KMT2A: variants seen among roughly 807,000 people sequenced by gnomAD.
The protein encoded by KMT2A is histone-lysine N-methyltransferase 2A.
KMT2A carries 16 observed loss-of-function variants against 345.3 expected under a neutral mutation model. That is an observed-to-expected ratio of 0.05 (90% CI 0.03 to 0.07). The LOEUF is 0.07. KMT2A is among the 10% of genes least tolerant of loss of function. The probability of loss-of-function intolerance (pLI) is 1.00; values close to 1 mark genes in which losing one functional copy is unlikely to be tolerated. For synonymous variants in KMT2A, 1,599 were observed against 1,778.6 expected, an observed-to-expected ratio of 0.90 and a Z score of 2.54; for missense variants, 3,272 against 4,841.6, an observed-to-expected ratio of 0.68 and a Z score of 9.62.
At chr11:118,500,481 G>T (rs1324779612) in intron 24 of KMT2A, among the ~76,000 whole-genome samples, 3 of 152,154 alleles carry the variant, frequency 2.0e-5, no homozygotes, top group Non-Finnish European at 4.4e-5. Flanking sequence ...CTATGACACA[G>T]TCTGTGCTCC....
At chr11:118,515,656 G>A (rs1950795287) in intron 31 of KMT2A, among the ~76,000 whole-genome samples, 1 of 147,804 alleles carries the variant, frequency 6.8e-6, no homozygotes, top group Non-Finnish European at 1.5e-5. Flanking sequence ...CCAGAATTTG[G>A]TACCATGTCC....
intron 10 of KMT2A, among the ~76,000 whole-genome samples, chr11:118,485,588 AATT>A (rs1174912873): frequency 6.6e-6 from 1 of 152,198 alleles, no homozygotes; most frequent in African/African-American, 2.4e-5. Flanking sequence ...TTTCTGAGGG[AATT>A]ATTTGGAAAT....
At position 118,476,010 on chromosome 11, in the gene KMT2A, A is replaced by T. The variant is rs1413712481; in HGVS notation, c.3157-795A>T. On this transcript the variant is annotated intron_variant, in intron 3 of 35. Transcript: ENST00000534358. This position sits in a 1 kb window ranked among gnomAD's most constrained non-coding sequence, Gnocchi z 4.1. Reference sequence around the variant, plus strand: ...AACGTCCGCCTCCCAGGTTCAAGCAATTCTCCTGCCTCAGCCTCCCAAGTA... The same window carrying T: ...AACGTCCGCCTCCCAGGTTCAAGCATTTCTCCTGCCTCAGCCTCCCAAGTA... Among the ~76,000 whole-genome samples, 1 of 151,966 alleles carries T rather than the reference A, an allele frequency of 6.6e-6. No homozygotes were observed. Among genetic ancestry groups the T allele is most frequent in the African/African-American group, 2.4e-5 (1 of 41,372 alleles).
chr11:118,498,175 A>G lies in KMT2A; in HGVS notation c.5802+102A>G. 7.5e-7 allele frequency: 1 copy of G among 1,341,722 alleles called. No homozygotes were observed. Among genetic ancestry groups the G allele is most frequent in the Admixed American group, 2.0e-5 (1 of 49,938 alleles). The allele number at this position is 1,341,722 out of a possible 1,614,324, so 83.1% of individuals were successfully genotyped here. On this transcript the variant is annotated intron_variant, in intron 21 of 35. Transcript: ENST00000534358. The surrounding 1 kb of genome is among the most constrained non-coding windows in gnomAD (Gnocchi z 4.4). ...CCTCCCTGATATTTTTCACAGTGCC[A>G]TCAGGGTAGTTAGCCAACAAGTATT...
chr11:118,500,881 T>G, intron 24 of KMT2A, 106 bp from the exon 25 acceptor site: 3 of 777,790 alleles, frequency 3.9e-6, no homozygotes, highest in Non-Finnish European at 6.1e-6. Context: ...CTAAACTCTG[T>G]AATTAAGAGG....
rs970901865 is a variant in KMT2A, at chr11:118,481,877, C to T, written c.3797C>T (p.Pro1266Leu). 1 of 1,614,174 alleles carries T rather than the reference C, an allele frequency of 6.2e-7. No homozygotes were observed. The stretch of plus-strand genomic sequence containing the variant: ...AGTAGTGAGCCTCCTCCACGAAAGC[C>T]CGTCGAGGAAAAGAGTGAAGAAGGG... ...KSSSEPPPRK[P>L]VEEKSEEGNV... The change falls in exon 7 of 36, where the codon CCC becomes CTC. Residue 1266 changes from proline (P) to leucine (L), a missense_variant. This residue lies in a region of KMT2A where 168 missense variants were observed against 216.0 expected (regional missense o/e 0.78). Coordinates refer to ENST00000534358, the MANE Select transcript of KMT2A (RefSeq NM_001197104.2).
chr11:118,507,659 C>T (rs781831865), intron 28 of KMT2A, 50 bp downstream of exon 28: 2 of 1,484,184 alleles, frequency 1.3e-6, no homozygotes, highest in South Asian at 1.1e-5. Context: ...TTTTGTCCAC[C>T]TCATTTAAAA....
Position 118,505,629 on chromosome 11 carries a change from T to C in KMT2A, c.9737T>C (p.Ile3246Thr), listed in dbSNP as rs1259638674. The C allele has an allele frequency of 6.8e-6, 11 of 1,614,038 alleles. No individual in the cohort carries two copies. The African/African-American group carries it at 1.5e-4, about 22-fold the overall frequency. ...GCTCCCTCTAGTACCCCTTCAAACA[T>C]TGCCCCTTCTGATGTGGTTTCTAAT... The part of the protein sequence containing the change: ...KLAPSSTPSN[I>T]APSDVVSNMT... The change falls in exon 27 of 36, where the codon ATT (isoleucine) becomes ACT (threonine). Residue 3246 changes from isoleucine to threonine, a missense_variant. Ile to Thr is a moderately conservative substitution (Grantham distance 89). This residue lies in a region of KMT2A where 748 missense variants were observed against 922.2 expected (regional missense o/e 0.81). Coordinates refer to ENST00000534358, the MANE Select transcript of KMT2A (RefSeq NM_001197104.2). This position sits in a 1 kb window ranked among gnomAD's most constrained non-coding sequence, Gnocchi z 4.6.
rs1950274624 is a variant in KMT2A, at chr11:118,488,763, A to G, written c.4479+3A>G. On this transcript the variant is annotated splice_donor_region_variant and intron_variant, in intron 11 of 35. Transcript: ENST00000534358. ...GAAGGCAACATCAGGCTACAAAGGT[A>G]CAAAACTTGGTAATAGAACTACAGC... 1.2e-6 allele frequency: 2 copies of G among 1,613,990 alleles called. No homozygotes were observed. The highest frequency in any genetic ancestry group is 1.7e-6 in the Non-Finnish European group (2 of 1,179,950).
rs1950673593 is a variant in KMT2A at position 118,510,873 on chromosome 11, G to C, written c.11071+755G>C. ...GAAGATTCTATTAAAGGAGAAAATG[G>C]AATTTGGGTTAGGCAAAGAAGAATG... On this transcript the variant is annotated intron_variant, in intron 30 of 35. Coordinates refer to ENST00000534358, the MANE Select transcript of KMT2A (RefSeq NM_001197104.2). This position sits in a 1 kb window ranked among gnomAD's most constrained non-coding sequence, Gnocchi z 4.1. 6.6e-6 allele frequency among the ~76,000 whole-genome samples: 1 copy of C among 152,168 alleles called. No individual in the cohort carries two copies. Among genetic ancestry groups the C allele is most frequent in the South Asian group, 2.1e-4 (1 of 4,838 alleles).
At position 118,498,761 on chromosome 11, in the gene KMT2A, C is replaced by T. The variant is rs1950451061; in HGVS notation, c.5961+233C>T. On this transcript the variant is annotated intron_variant, in intron 22 of 35. Transcript: ENST00000534358. This position sits in a 1 kb window ranked among gnomAD's most constrained non-coding sequence, Gnocchi z 4.4. ...CCCTGACTCCTGTAGTTTACATCAG[C>T]ATTCACTCTTGGTGTTGTACATTCT... is the stretch of plus-strand genomic sequence containing the variant. Among the ~76,000 whole-genome samples, 1 of 152,164 alleles carries T rather than the reference C, an allele frequency of 6.6e-6. No homozygotes were observed. Among genetic ancestry groups the T allele is most frequent in the Non-Finnish European group, 1.5e-5 (1 of 68,036 alleles).
chr11:118,454,537 T>C (rs533904194), intron 1 of KMT2A, among the ~76,000 whole-genome samples: 1 of 152,310 alleles, frequency 6.6e-6, no homozygotes, highest in Non-Finnish European at 1.5e-5. Context: ...ACTACTCCAC[T>C]CTGTTGTTGT....
intron 1 of KMT2A, among the ~76,000 whole-genome samples, chr11:118,447,068 C>A (rs1555027359): frequency 6.6e-6 from 1 of 152,172 alleles, no homozygotes; most frequent in Non-Finnish European, 1.5e-5. Flanking sequence ...TCCCATGGTT[C>A]AACTCAGATC....
rs782569880 is a variant in KMT2A, at chr11:118,499,432, C to G, written c.6079+12C>G. On this transcript the variant is annotated intron_variant, in intron 23 of 35. Transcript: ENST00000534358. ...CCACATGATGATTGGTATGACCTAG[C>G]CTTGGTTATTGGGGAAGGCTGTATA... is the stretch of plus-strand genomic sequence containing the variant. 2 of 1,481,708 alleles carry G rather than the reference C, an allele frequency of 1.3e-6. No homozygotes were observed. Among genetic ancestry groups the G allele is most frequent in the Non-Finnish European group, 9.4e-7 (1 of 1,067,066 alleles). The allele number at this position is 1,481,708 out of a possible 1,614,324, so 91.8% of individuals were successfully genotyped here.
rs782101853 is a variant in KMT2A, at chr11:118,459,812, G to A, written c.433-8963G>A. Among the ~76,000 whole-genome samples the A allele has an allele frequency of 5.7e-5, 6 of 106,104 alleles. No individual in the cohort carries two copies. In the Admixed American group the frequency reaches 7.3e-4, roughly 13 times the overall value. 69.6% of individuals were successfully genotyped at this position (106,104 alleles called of 152,430 possible). A position where few individuals can be genotyped will look rare whatever the true frequency, so the allele number is the denominator to read the frequency against. On this transcript the variant is annotated intron_variant, in intron 1 of 35. Transcript: ENST00000534358. The stretch of plus-strand genomic sequence containing the variant: ...AGCAATTCTCCTTCCTCAGCCTCCC[G>A]AGTAGCTAGGATTACAGGCGGGCAC...
Position 118,495,863 on chromosome 11 carries a change from C to T in KMT2A, c.5527C>T (p.Pro1843Ser), listed in dbSNP as rs782527592. 2.6e-5 allele frequency: 42 copies of T among 1,613,654 alleles called. No individual in the cohort carries two copies. The highest frequency in any genetic ancestry group is 1.0e-5 in the Non-Finnish European group (12 of 1,179,880). Residue 1843 changes from proline (P) to serine (S), a missense_variant, in exon 19 of 36, where the codon CCT (proline) becomes TCT (serine). This residue lies in a region of KMT2A where 235 missense variants were observed against 503.4 expected (regional missense o/e 0.47). Transcript: ENST00000534358. This position sits in a 1 kb window ranked among gnomAD's most constrained non-coding sequence, Gnocchi z 4.1. The part of the protein sequence containing the change: ...KGPGEPDSPT[P>S]LHPPTPPILS... ...TCCTGGAGAACCAGACTCACCAACT[C>T]CTCTGCATCCTCCTACACCACCAAT... is the stretch of plus-strand genomic sequence containing the variant.
Position 118,484,145 on chromosome 11 carries a change from G to T in KMT2A, c.4087-38G>T, listed in dbSNP as rs782748241. On this transcript the variant is annotated intron_variant, in intron 8 of 35. Transcript: ENST00000534358. The surrounding 1 kb of genome is among the most constrained non-coding windows in gnomAD (Gnocchi z 4.1). Reference sequence around the variant, plus strand: ...TGTTGCAAATGTGAAGGCAAATAGGGTGTGATTTTGTTCTATATTCATCTT... The same window carrying T: ...TGTTGCAAATGTGAAGGCAAATAGGTTGTGATTTTGTTCTATATTCATCTT... The T allele has an allele frequency of 6.2e-7, 1 of 1,604,448 alleles. No homozygotes were observed. The highest frequency in any genetic ancestry group is 8.5e-7 in the Non-Finnish European group (1 of 1,174,878).
chr11:118,499,555 G>A (rs1382894514), intron 23 of KMT2A, 135 bp downstream of exon 23: 15 of 711,972 alleles, frequency 2.1e-5, no homozygotes, highest in African/African-American at 1.9e-4. Flanking sequence ...AGGCTGAGGC[G>A]GGCAGATCAC....
chr11:118,513,605 G>A (rs1950736609), intron 31 of KMT2A, among the ~76,000 whole-genome samples: 1 of 151,668 alleles, frequency 6.6e-6, no homozygotes, highest in Admixed American at 6.6e-5. Context: ...AGACCCAACA[G>A]GCAGTTTATC....
Sources: gnomAD v4.1 joint callset for allele counts (sites outside exome capture counted in the v4.1 genomes callset) on GRCh38, gnomAD v4.1.1 for gene constraint, gnomAD v4.1.1 regional missense constraint, Gnocchi (gnomAD v3.1) non-coding constraint, MANE v1.5 for transcripts, NCBI Gene and HGNC (gene_info 2026-07-23, HGNC 2026-07-21) for gene names.